ZCCHC7: variants seen among roughly 807,000 people sequenced by gnomAD.
ZCCHC7 encodes zinc finger CCHC-type containing 7, also known as zinc finger CCHC domain-containing protein 7.
ZCCHC7 carries 35 observed loss-of-function variants against 52.0 expected under a neutral mutation model. The observed-to-expected ratio is 0.67, with a 90% CI of 0.51 to 0.89. The LOEUF (loss-of-function observed/expected upper bound fraction) is 0.89. Among genes scored for constraint, ZCCHC7 ranks in the 40% least tolerant of loss-of-function variants. The probability of loss-of-function intolerance (pLI) is 0.00; values close to 1 mark genes in which losing one functional copy is unlikely to be tolerated. For missense variants in ZCCHC7, 574 were observed against 649.1 expected, an observed-to-expected ratio of 0.88 and a Z score of 1.26; for synonymous variants, 217 against 221.5, an observed-to-expected ratio of 0.98 and a Z score of 0.18.
At chr9:37,345,045 A>T (rs987807659) in intron 6 of ZCCHC7, among the ~76,000 whole-genome samples, 6 of 152,174 alleles carry the variant, frequency 3.9e-5, no homozygotes, top group African/African-American at 7.2e-5. Flanking sequence ...CTTTCTACTT[A>T]TAATAAATCC....
intron 2 of ZCCHC7, among the ~76,000 whole-genome samples, chr9:37,273,212 A>T (rs913514915): frequency 1.3e-5 from 2 of 152,180 alleles, no homozygotes; most frequent in African/African-American, 4.8e-5. Flanking sequence ...CCTTTAAGAA[A>T]AAGTGTCCTG....
At chr9:37,281,652 T>G in intron 2 of ZCCHC7, among the ~76,000 whole-genome samples, 1 of 152,244 alleles carries the variant, frequency 6.6e-6, no homozygotes, top group East Asian at 1.9e-4. Context: ...GCACTTACAC[T>G]GTTTGGTATG....
intron 6 of ZCCHC7, among the ~76,000 whole-genome samples, chr9:37,336,191 A>G (rs2118359534): frequency 6.6e-6 from 1 of 152,266 alleles, no homozygotes; most frequent in South Asian, 2.1e-4. Flanking sequence ...TCATAGCAAA[A>G]TGTAGTGGTA....
At chr9:37,182,528 C>T (rs1822419224) in intron 2 of ZCCHC7, among the ~76,000 whole-genome samples, 1 of 152,046 alleles carries the variant, frequency 6.6e-6, no homozygotes, top group Middle Eastern at 3.4e-3. Context: ...CCACGGCTGG[C>T]TAATTTTTGT....
intron 6 of ZCCHC7, among the ~76,000 whole-genome samples, chr9:37,329,117 G>T (rs1327501068): frequency 6.6e-6 from 1 of 151,740 alleles, no homozygotes; most frequent in African/African-American, 2.4e-5. Context: ...TTTTCAAGAT[G>T]ACAGAGCTAC....
chr9:37,207,779 A>G (rs991253821), intron 2 of ZCCHC7, among the ~76,000 whole-genome samples: 16 of 152,106 alleles, frequency 1.1e-4, no homozygotes, highest in African/African-American at 3.9e-4. Context: ...TTCAGATACT[A>G]TATTTTCTAC....
intron 2 of ZCCHC7, among the ~76,000 whole-genome samples, chr9:37,176,641 T>A (rs912254691): frequency 6.6e-6 from 1 of 152,010 alleles, no homozygotes; most frequent in Non-Finnish European, 1.5e-5. Flanking sequence ...GAATTAAATA[T>A]ATACATTTAA....
intron 2 of ZCCHC7, among the ~76,000 whole-genome samples, chr9:37,301,030 T>TA (rs1467257706): frequency 6.6e-6 from 1 of 152,228 alleles, no homozygotes; most frequent in Non-Finnish European, 1.5e-5. Context: ...TGTTATAAAA[T>TA]ACAGTGCTAA....
At chr9:37,269,014 A>G (rs1327326415) in intron 2 of ZCCHC7, among the ~76,000 whole-genome samples, 1 of 152,218 alleles carries the variant, frequency 6.6e-6, no homozygotes, top group Non-Finnish European at 1.5e-5. Context: ...GAAATCCAAA[A>G]GAATTAACTA....
In ZCCHC7 at chr9:37,126,931, C is replaced by A. The variant is rs190969738; in HGVS notation, c.599C>A (p.Ser200Tyr). ...CTCAACCTTGTGGGATGTGAAAACT[C>A]TGTTACTGAAGGTTAGTATCATATT... Reference protein sequence around the residue: ...ILLNLVGCENSVTEGEDGINW... With the variant: ...ILLNLVGCENYVTEGEDGINW... Residue 200 changes from serine to tyrosine, a missense_variant, in exon 2 of 9, where the codon TCT becomes TAT. Physicochemically the swap from Ser to Tyr is moderately radical, Grantham distance 144. This residue lies in a region of ZCCHC7 where 403 missense variants were observed against 461.2 expected (regional missense o/e 0.87). Transcript: ENST00000336755. 4 of 1,613,326 alleles carry A rather than the reference C, an allele frequency of 2.5e-6. No individual in the cohort carries two copies. The South Asian group carries it at 4.4e-5, about 18-fold the overall frequency.
At chr9:37,261,765 A>G (rs891686894) in intron 2 of ZCCHC7, among the ~76,000 whole-genome samples, 1 of 152,228 alleles carries the variant, frequency 6.6e-6, no homozygotes, top group Non-Finnish European at 1.5e-5. Flanking sequence ...TTATGTAATC[A>G]GTATTGCTTT....
intron 2 of ZCCHC7, among the ~76,000 whole-genome samples, chr9:37,247,076 C>G (rs2133378457): frequency 6.6e-6 from 1 of 152,202 alleles, no homozygotes; most frequent in East Asian, 1.9e-4. Context: ...ACAGATACCT[C>G]CCCAACCCCC....
intron 2 of ZCCHC7, among the ~76,000 whole-genome samples, chr9:37,291,530 A>G (rs771553402): frequency 2.0e-5 from 3 of 152,178 alleles, no homozygotes; most frequent in Admixed American, 6.5e-5. Context: ...GTTTCTATCA[A>G]ATGGGCAAAT....
intron 2 of ZCCHC7, among the ~76,000 whole-genome samples, chr9:37,167,287 G>C (rs1396760364): frequency 7.0e-6 from 1 of 143,052 alleles, no homozygotes; most frequent in African/African-American, 2.6e-5. Flanking sequence ...TTTCCTTTTA[G>C]AGATGGGATC....
At chr9:37,199,618 C>T (rs1823496006) in intron 2 of ZCCHC7, among the ~76,000 whole-genome samples, 1 of 150,924 alleles carries the variant, frequency 6.6e-6, no homozygotes, top group East Asian at 2.0e-4. Flanking sequence ...CAGGCGTGAG[C>T]CACCGTGCCC....
intron 2 of ZCCHC7, among the ~76,000 whole-genome samples, chr9:37,220,132 G>A (rs1824732918): frequency 6.6e-6 from 1 of 152,214 alleles, no homozygotes; most frequent in Non-Finnish European, 1.5e-5. Context: ...TTAGACAGCT[G>A]TTGTTCAGTA....
At chr9:37,285,547 TC>T (rs1828167078) in intron 2 of ZCCHC7, among the ~76,000 whole-genome samples, 1 of 152,138 alleles carries the variant, frequency 6.6e-6, no homozygotes, top group South Asian at 2.1e-4. Context: ...GTCTAAGTAT[TC>T]CATTTGGCCT....
chr9:37,320,351 T>C (rs1452891807), intron 5 of ZCCHC7, among the ~76,000 whole-genome samples: 2 of 152,232 alleles, frequency 1.3e-5, no homozygotes, highest in Non-Finnish European at 1.5e-5. Flanking sequence ...GTGCTGGAAT[T>C]AGAGGCATGA....
chr9:37,284,912 A>T (rs1190420833), intron 2 of ZCCHC7, among the ~76,000 whole-genome samples: 2 of 152,210 alleles, frequency 1.3e-5, no homozygotes, highest in Non-Finnish European at 2.9e-5. Flanking sequence ...TTTCTAACAA[A>T]TGTTTCACAT....
Sources: gnomAD v4.1 joint callset for allele counts (sites outside exome capture counted in the v4.1 genomes callset) on GRCh38, gnomAD v4.1.1 for gene constraint, gnomAD v4.1.1 regional missense constraint, MANE v1.5 for transcripts, NCBI Gene and HGNC (gene_info 2026-07-23, HGNC 2026-07-21) for gene names.